The following HM13 variants were observed in gnomAD, a reference collection of about 807,000 sequenced individuals.
The protein encoded by HM13 is signal peptide peptidase.
Under a neutral mutation model 50.0 loss-of-function variants are expected in HM13, and 18 were observed. The ratio of observed to expected loss-of-function variants is 0.36; its 90% CI spans 0.25 to 0.53. The LOEUF is 0.53. Among genes scored for constraint, HM13 ranks in the 20% least tolerant of loss-of-function variants. The pLI is 0.90. For synonymous variants in HM13, 197 were observed against 232.6 expected (o/e 0.85, Z 1.39); for missense variants, 393 against 552.4 (o/e 0.71, Z 2.89).
rs116269431 is a variant in HM13 at position 31,569,491 on chromosome 20, A to G, written c.*272A>G. The G allele has an allele frequency of 1.6e-3, 554 of 343,202 alleles. No homozygotes were observed. The highest frequency in any genetic ancestry group is 0.011 in the African/African-American group (510 of 47,686). 21.3% of individuals were successfully genotyped at this position (343,202 alleles called of 1,614,324 possible). The stretch of plus-strand genomic sequence containing the variant: ...TGGGAAAAGTGGGTGTGATTTTTAG[A>G]TTTTGTATTGTGGACTGATTTTGCC... On this transcript the variant is annotated 3_prime_UTR_variant, in exon 13 of 13. Transcript: ENST00000398174.
At chr20:31,543,698 G>A (rs982039818) in intron 3 of HM13, among the ~76,000 whole-genome samples, 60 of 151,914 alleles carry the variant, frequency 3.9e-4, no homozygotes, top group African/African-American at 1.2e-3. Context: ...TTGGGAGGCC[G>A]AGGTGGGCGA....
intron 1 of HM13, among the ~76,000 whole-genome samples, chr20:31,526,782 T>C (rs1350428753): frequency 6.6e-6 from 1 of 152,260 alleles, no homozygotes; most frequent in Non-Finnish European, 1.5e-5. Flanking sequence ...TCTGTCTTGT[T>C]TGTTGTTAAT....
chr20:31,530,524 C>T (rs1312238419), intron 2 of HM13, among the ~76,000 whole-genome samples: 2 of 152,002 alleles, frequency 1.3e-5, no homozygotes, highest in Non-Finnish European at 2.9e-5. Context: ...GATTCTCCTG[C>T]CTCAGCCTCC....
At chr20:31,557,634 A>G (rs1984386623) in intron 8 of HM13, among the ~76,000 whole-genome samples, 1 of 150,878 alleles carries the variant, frequency 6.6e-6, no homozygotes, top group South Asian at 2.1e-4. Flanking sequence ...CCTACAGAGT[A>G]TTCATTGAGA....
In HM13 at chr20:31,568,359, A is replaced by G. The variant is rs73233696; in HGVS notation, c.1181+135A>G. The G allele has an allele frequency of 2.1e-3, 2,589 of 1,247,054 alleles. 35 individuals carry two copies. In the African/African-American group the frequency reaches 0.033, roughly 16 times the overall value. The allele number at this position is 1,247,054 out of a possible 1,614,324, so 77.2% of individuals were successfully genotyped here. On this transcript the variant is annotated intron_variant, in intron 12 of 12. Transcript: ENST00000398174. ...AGGCCGCAAGAGCAGCTCCTCCACA[A>G]CCACCAGGCAGTGGTTGCACCGAGC...
At chr20:31,534,655 C>T (rs1983008633) in intron 2 of HM13, among the ~76,000 whole-genome samples, 1 of 152,110 alleles carries the variant, frequency 6.6e-6, no homozygotes, top group South Asian at 2.1e-4. Flanking sequence ...TGGTGGCACA[C>T]ACCTGTAGTC....
chr20:31,536,287 C>G (rs1207251601), intron 2 of HM13, among the ~76,000 whole-genome samples: 1 of 152,164 alleles, frequency 6.6e-6, no homozygotes, highest in Admixed American at 6.5e-5. Context: ...CACTTGAACC[C>G]AGGAGGTGGA....
At chr20:31,562,491 C>T (rs1984670652) in intron 10 of HM13, 2 of 152,316 alleles carry the variant, frequency 1.3e-5, no homozygotes, top group South Asian at 4.1e-4. Flanking sequence ...GCATGGAAAC[C>T]ACACCCAGGC....
intron 8 of HM13, among the ~76,000 whole-genome samples, chr20:31,557,956 C>T (rs1295172983): frequency 6.6e-6 from 1 of 152,146 alleles, no homozygotes; most frequent in East Asian, 1.9e-4. Context: ...GATCCGCCTG[C>T]CTCGGCCTCC....
chr20:31,557,730 G>A (rs1196378638), intron 8 of HM13, among the ~76,000 whole-genome samples: 3 of 59,888 alleles, frequency 5.0e-5, no homozygotes, highest in Admixed American at 1.7e-4. Flanking sequence ...TTTTTTTTGA[G>A]ATGGAGTTTT....
At chr20:31,557,018 CAAAAA>C (rs11479053) in intron 8 of HM13, among the ~76,000 whole-genome samples, 3 of 100,468 alleles carry the variant, frequency 3.0e-5, no homozygotes, top group Non-Finnish European at 4.5e-5. Context: ...GACTCCATCT[CAAAAA>C]AAAAAAAAAA....
At chr20:31,554,896 A>G in intron 8 of HM13, 67 bp downstream of exon 8, 2 of 1,261,532 alleles carry the variant, frequency 1.6e-6, no homozygotes, top group Non-Finnish European at 2.3e-6. Flanking sequence ...CAAGGGGATT[A>G]CTGCTAAACA....
intron 2 of HM13, among the ~76,000 whole-genome samples, chr20:31,537,443 C>T (rs1983177361): frequency 6.6e-6 from 1 of 152,218 alleles, no homozygotes; most frequent in Non-Finnish European, 1.5e-5. Flanking sequence ...TGGCCAGGTT[C>T]CCTATACCCC....
chr20:31,564,089 A>AC (rs1984762282), intron 10 of HM13: 1 of 152,036 alleles, frequency 6.6e-6, no homozygotes, highest in Admixed American at 6.5e-5. Context: ...AAAAAAAAAA[A>AC]AAAGAATGAA....
chr20:31,554,715 T>C (rs1984216406), intron 7 of HM13, 31 bp from the exon 8 acceptor site: 2 of 1,586,202 alleles, frequency 1.3e-6, no homozygotes, highest in Admixed American at 1.7e-5. Context: ...GGGCTCCAGC[T>C]GACTCCTCAC....
Position 31,529,859 on chromosome 20 carries a change from C to T in HM13, c.282+2277C>T, listed in dbSNP as rs150387647. 6.1e-3 allele frequency among the ~76,000 whole-genome samples: 921 copies of T among 152,078 alleles called. 18 individuals carry two copies. Among genetic ancestry groups the T allele is most frequent in the Admixed American group, 0.044 (673 of 15,262 alleles). On this transcript the variant is annotated intron_variant, in intron 2 of 12. Transcript: ENST00000398174. ...GCATGTGCCTGTAGTCCCAGCTACT[C>T]GGGAGTCTGAGGCAGGGGAATCGCT...
chr20:31,518,295 A>G (rs1361939786), intron 1 of HM13, among the ~76,000 whole-genome samples: 3 of 150,102 alleles, frequency 2.0e-5, no homozygotes, highest in African/African-American at 7.3e-5. Flanking sequence ...TCGGCCTCCC[A>G]AAGTGCTGGG....
intron 7 of HM13, 68 bp downstream of exon 7, chr20:31,550,189 T>A (rs1983965327): frequency 8.9e-7 from 1 of 1,119,274 alleles, no homozygotes; most frequent in Non-Finnish European, 1.4e-6. Context: ...CCACAGCCCG[T>A]TTCAGTCAGT....
At chr20:31,536,023 G>A (rs1983085796) in intron 2 of HM13, among the ~76,000 whole-genome samples, 1 of 152,144 alleles carries the variant, frequency 6.6e-6, no homozygotes, top group African/African-American at 2.4e-5. Context: ...GTCCCCCCAA[G>A]CCCTTGTATC....
Sources: gnomAD v4.1 joint callset for allele counts (sites outside exome capture counted in the v4.1 genomes callset) on GRCh38, gnomAD v4.1.1 for gene constraint, MANE v1.5 for transcripts, NCBI Gene and HGNC (gene_info 2026-07-23, HGNC 2026-07-21) for gene names.